VWA5A: variants seen among roughly 807,000 people sequenced by gnomAD.
VWA5A encodes von Willebrand factor A domain containing 5A.
VWA5A carries 77 observed loss-of-function variants against 84.6 expected under a neutral mutation model. The ratio of observed to expected loss-of-function variants is 0.91; its 90% CI spans 0.76 to 1.10. VWA5A has a LOEUF of 1.10. Ranked by LOEUF, VWA5A falls within the 50% of genes least tolerant of loss-of-function variation. VWA5A has a pLI of 0.00. For missense variants in VWA5A, 973 were observed against 963.0 expected (o/e 1.01, Z -0.14); for synonymous variants, 334 against 350.1 (o/e 0.95, Z 0.51).
chr11:124,137,233 G>A lies in VWA5A; in HGVS notation c.1844G>A (p.Gly615Asp), dbSNP rs374614344. ...HRDVPRPILL[G>D]ASAPLKIKCQ... Reference sequence around the variant, plus strand: ...GACGTCCCAAGGCCAATTCTGTTGGGTGCTTCTGCCCCATTGAAGATAAAA... The same window carrying A: ...GACGTCCCAAGGCCAATTCTGTTGGATGCTTCTGCCCCATTGAAGATAAAA... The change falls in exon 15 of 19, where the codon GGT (glycine) becomes GAT (aspartate). Residue 615 changes from glycine to aspartate, a missense_variant. Physicochemically the swap from Gly to Asp is moderately conservative, Grantham distance 94. Transcript: ENST00000456829. 22 of 1,614,034 alleles carry A rather than the reference G, an allele frequency of 1.4e-5. No individual in the cohort carries two copies. The East Asian group carries it at 2.5e-4, about 18-fold the overall frequency.
intron 11 of VWA5A, among the ~76,000 whole-genome samples, chr11:124,125,016 A>T (rs1454152284): frequency 6.6e-6 from 1 of 152,166 alleles, no homozygotes; most frequent in East Asian, 1.9e-4. Context: ...GTTAAAAATG[A>T]TGCTGCTGTG....
chr11:124,143,915 A>AT (rs137910253), intron 17 of VWA5A, among the ~76,000 whole-genome samples: 4,943 of 149,296 alleles, frequency 0.033, 184 homozygotes, highest in African/African-American at 0.092. Context: ...AAGGAATTTG[A>AT]TTTTTTTTTT....
At chr11:124,128,864 C>T (rs991339879) in intron 11 of VWA5A, among the ~76,000 whole-genome samples, 1 of 152,212 alleles carries the variant, frequency 6.6e-6, no homozygotes, top group African/African-American at 2.4e-5. Context: ...TGCTTATCAG[C>T]TTAAACAGAT....
intron 11 of VWA5A, among the ~76,000 whole-genome samples, chr11:124,129,806 A>G (rs1304135732): frequency 6.6e-6 from 1 of 151,894 alleles, no homozygotes; most frequent in African/African-American, 2.4e-5. Flanking sequence ...GGTAGTTTGT[A>G]TTTCTGTGGG....
chr11:124,135,690 C>T (rs1381303321), intron 12 of VWA5A, among the ~76,000 whole-genome samples: 2 of 149,536 alleles, frequency 1.3e-5, no homozygotes, highest in African/African-American at 5.0e-5. Context: ...GCCACTACGC[C>T]CGGCTAATTT....
At chr11:124,136,411 C>A in intron 13 of VWA5A, 118 bp downstream of exon 13, 1 of 1,465,278 alleles carries the variant, frequency 6.8e-7, no homozygotes, top group Non-Finnish European at 9.3e-7. Context: ...GTATAGCTAG[C>A]CTACTTCCTT....
chr11:124,138,796 T>C (rs1483875083), intron 15 of VWA5A, among the ~76,000 whole-genome samples: 1 of 152,210 alleles, frequency 6.6e-6, no homozygotes, highest in Non-Finnish European at 1.5e-5. Flanking sequence ...CTCGTTTATC[T>C]ATTTTTTGCT....
intron 2 of VWA5A, chr11:124,117,224 T>C (rs557962680): frequency 3.9e-6 from 2 of 513,600 alleles, no homozygotes; most frequent in South Asian, 2.4e-5. Context: ...TTTGAGAAAG[T>C]GGAATTGGTA....
chr11:124,136,713 C>A, intron 14 of VWA5A, 39 bp downstream of exon 14: 1 of 1,108,060 alleles, frequency 9.0e-7, no homozygotes, highest in Non-Finnish European at 1.3e-6. Flanking sequence ...TCCTTCCTTC[C>A]TTCCTTCCTT....
chr11:124,123,220 A>G, intron 8 of VWA5A, 91 bp downstream of exon 8: 1 of 1,538,304 alleles, frequency 6.5e-7, no homozygotes, highest in South Asian at 1.3e-5. Context: ...AGCCTGAGAG[A>G]GCAGCACGAC....
Position 124,145,351 on chromosome 11 carries a change from C to G in VWA5A, c.2269C>G (p.Arg757Gly), listed in dbSNP as rs117689747. The G allele has an allele frequency of 3.1e-6, 5 of 1,612,352 alleles. No homozygotes were observed. The South Asian group carries it at 3.3e-5, about 11-fold the overall frequency. The change falls in exon 18 of 19, where the codon CGT (arginine) becomes GGT (glycine). Residue 757 changes from arginine (R) to glycine (G), a missense_variant. Physicochemically the swap from Arg to Gly is moderately radical, Grantham distance 125. Transcript: ENST00000456829. ...GGAAAGGAAGGCCGTGGCCTGGATG[C>G]GTGCCCATGCAGGTAGGAGCACAAT... Reference protein sequence around the residue: ...LLERKAVAWMRAHAGSTMPSV... With the variant: ...LLERKAVAWMGAHAGSTMPSV...
chr11:124,139,163 T>C lies in VWA5A; in HGVS notation c.1879+1895T>C, dbSNP rs182027861. On this transcript the variant is annotated intron_variant, in intron 15 of 18. Coordinates refer to ENST00000456829, the MANE Select transcript of VWA5A (RefSeq NM_001130142.2). The stretch of plus-strand genomic sequence containing the variant: ...TTTTTATGCAAGTACCATGCTGTTT[T>C]GGTTACTATAGCTTTGTAGTATATT... 5.1e-3 allele frequency among the ~76,000 whole-genome samples: 776 copies of C among 152,220 alleles called. 11 individuals carry two copies. Among genetic ancestry groups the C allele is most frequent in the African/African-American group, 0.018 (736 of 41,514 alleles).
At chr11:124,125,735 G>T (rs554655054) in intron 11 of VWA5A, among the ~76,000 whole-genome samples, 2 of 152,020 alleles carry the variant, frequency 1.3e-5, no homozygotes, top group Non-Finnish European at 2.9e-5. Flanking sequence ...TTTTCTTATT[G>T]ATCTATATAG....
At chr11:124,120,828 G>C (rs1276618425) in intron 7 of VWA5A, among the ~76,000 whole-genome samples, 4 of 152,206 alleles carry the variant, frequency 2.6e-5, no homozygotes, top group Non-Finnish European at 4.4e-5. Context: ...GTTTTCACCA[G>C]AGAAAGTTCC....
Position 124,142,578 on chromosome 11 carries a change from A to G in VWA5A, c.2154+6A>G. The G allele has an allele frequency of 6.2e-7, 1 of 1,614,106 alleles. No individual in the cohort carries two copies. The highest frequency in any genetic ancestry group is 1.1e-5 in the South Asian group (1 of 91,058). ...TGGCTGCACAGCCTGCCGAGGTAAG[A>G]TTCAATGGAAAAAGGAGTATGTATG... On this transcript the variant is annotated splice_donor_region_variant and intron_variant, in intron 17 of 18. Transcript: ENST00000456829.
At chr11:124,119,503 C>T (rs1164655284) in intron 7 of VWA5A, among the ~76,000 whole-genome samples, 1 of 152,202 alleles carries the variant, frequency 6.6e-6, no homozygotes, top group Non-Finnish European at 1.5e-5. Context: ...AGTGAACTAA[C>T]CTTTCGAGGA....
chr11:124,131,337 C>T (rs905080053), intron 11 of VWA5A, among the ~76,000 whole-genome samples: 17 of 152,112 alleles, frequency 1.1e-4, no homozygotes, highest in South Asian at 2.1e-4. Flanking sequence ...TTTCATCATG[C>T]GACTCAGAAT....
At chr11:124,121,077 A>C (rs1864924953) in intron 7 of VWA5A, among the ~76,000 whole-genome samples, 1 of 152,214 alleles carries the variant, frequency 6.6e-6, no homozygotes, top group Admixed American at 6.5e-5. Flanking sequence ...CCACACAAGG[A>C]AGCGAATGAC....
intron 11 of VWA5A, among the ~76,000 whole-genome samples, chr11:124,131,545 T>C (rs1489292202): frequency 6.6e-6 from 1 of 152,034 alleles, no homozygotes. Context: ...TTTTATTAAA[T>C]TGTTTCCCTA....
Sources: allele counts gnomAD v4.1 joint callset (sites outside exome capture counted in the v4.1 genomes callset), GRCh38; gene constraint gnomAD v4.1.1; transcripts MANE v1.5; gene names NCBI Gene and HGNC (gene_info 2026-07-23, HGNC 2026-07-21).